RAD50: variants seen among roughly 807,000 people sequenced by gnomAD.
The protein encoded by RAD50 is RAD50 double strand break repair protein, also known as DNA repair protein RAD50.
Under a neutral mutation model 168.8 loss-of-function variants are expected in RAD50, and 132 were observed. The ratio of observed to expected loss-of-function variants is 0.78; its 90% CI spans 0.68 to 0.90. The LOEUF (loss-of-function observed/expected upper bound fraction) is 0.90. Among genes scored for constraint, RAD50 ranks in the 40% least tolerant of loss-of-function variants. The pLI, the probability that RAD50 is intolerant of heterozygous loss-of-function variation, is 0.00. For missense variants in RAD50, 1,347 were observed against 1,534.4 expected (o/e 0.88, Z 2.04); for synonymous variants, 525 against 497.4 (o/e 1.06, Z -0.74).
chr5:132,605,130 C>A, intron 16 of RAD50, 131 bp downstream of exon 16: 1 of 592,264 alleles, frequency 1.7e-6, no homozygotes, highest in Non-Finnish European at 2.7e-6. Flanking sequence ...CTGCAACCTC[C>A]ATCTCCTGGG....
intron 21 of RAD50, among the ~76,000 whole-genome samples, chr5:132,619,877 T>TAG (rs1179351469): frequency 2.6e-5 from 3 of 116,896 alleles, no homozygotes; most frequent in Non-Finnish European, 5.5e-5. Context: ...TAAAGATATA[T>TAG]ATATATATAG....
chr5:132,640,916 G>A (rs776476836), intron 24 of RAD50, 111 bp downstream of exon 24: 6 of 1,559,070 alleles, frequency 3.8e-6, no homozygotes, highest in African/African-American at 1.4e-5. Flanking sequence ...TTCTCTAGCT[G>A]TGTTCCCCAC....
Position 132,604,916 on chromosome 5 carries a change from A to G in RAD50, c.2635A>G (p.Thr879Ala), listed in dbSNP as rs1750956884. ...ELKSEKLQISTNLQRRQQLEE... is the reference protein window; with the variant it reads ...ELKSEKLQISANLQRRQQLEE... ...AAAATCTGAGAAACTTCAGATATCC[A>G]CTAATTTGCAACGTCGTCAGCAACT... The change falls in exon 16 of 25, where the codon ACT (threonine) becomes GCT (alanine). Residue 879 changes from threonine to alanine, a missense_variant. Around this residue, in one of 3 missense-constraint regions of RAD50, gnomAD observed 635 missense variants for 739.2 expected, o/e 0.86. Coordinates refer to ENST00000378823, the MANE Select transcript of RAD50 (RefSeq NM_005732.4). 6.2e-7 allele frequency: 1 copy of G among 1,613,894 alleles called. No homozygotes were observed. The highest frequency in any genetic ancestry group is 1.1e-5 in the South Asian group (1 of 91,058).
At position 132,638,283 on chromosome 5, in the gene RAD50, ACAT is replaced by A; in HGVS notation, c.3618+63_3618+65del. ...CCAAGTAACTGAAAGAGAGAAACAA[ACAT>A]CAGTGCAGTGGAAGCACCCAAGGCT... On this transcript the variant is annotated intron_variant, in intron 23 of 24. Coordinates refer to ENST00000378823, the MANE Select transcript of RAD50 (RefSeq NM_005732.4). 11 of 1,596,788 alleles carry A rather than the reference ACAT, an allele frequency of 6.9e-6. No homozygotes were observed. In the South Asian group the frequency reaches 1.0e-4, roughly 15 times the overall value.
At chr5:132,604,523 T>C (rs557840849) in intron 15 of RAD50, among the ~76,000 whole-genome samples, 1 of 152,156 alleles carries the variant, frequency 6.6e-6, no homozygotes, top group Non-Finnish European at 1.5e-5. Flanking sequence ...TGCCTCAGTC[T>C]CCCAAAGTGC....
intron 2 of RAD50, among the ~76,000 whole-genome samples, chr5:132,568,395 A>C (rs1178422110): frequency 6.6e-6 from 1 of 151,986 alleles, no homozygotes; most frequent in Non-Finnish European, 1.5e-5. Context: ...ATTTTTTTAA[A>C]GCTATGATAG....
At chr5:132,582,745 T>A (rs1245201726) in intron 5 of RAD50, among the ~76,000 whole-genome samples, 1 of 152,198 alleles carries the variant, frequency 6.6e-6, no homozygotes, top group Non-Finnish European at 1.5e-5. Flanking sequence ...CTGCTCTATT[T>A]TTTTTATCTC....
intron 15 of RAD50, 129 bp downstream of exon 15, chr5:132,604,175 T>C (rs1750940300): frequency 1.7e-6 from 2 of 1,161,948 alleles, no homozygotes; most frequent in Non-Finnish European, 2.5e-6. Context: ...TTTGCTCTTT[T>C]TTTCTGAAAA....
chr5:132,623,397 G>A (rs530848434), intron 21 of RAD50, among the ~76,000 whole-genome samples: 2 of 152,140 alleles, frequency 1.3e-5, no homozygotes, highest in East Asian at 1.9e-4. Context: ...CAGGAGAATC[G>A]CTTGAACTGG....
At chr5:132,636,773 G>A (rs1751589495) in intron 21 of RAD50, among the ~76,000 whole-genome samples, 1 of 152,090 alleles carries the variant, frequency 6.6e-6, no homozygotes, top group South Asian at 2.1e-4. Flanking sequence ...AGTTACCACG[G>A]CCTAAGAAAA....
Position 132,640,781 on chromosome 5 carries a change from A to T in RAD50, c.3728A>T (p.Glu1243Val), listed in dbSNP as rs1554101200. ...ACAAATCTTGACCGAGAAAACATTG[A>T]ATCTCTTGCACATGCTCTGGTTGAG... is the stretch of plus-strand genomic sequence containing the variant. ...PTTNLDRENI[E>V]SLAHALVEII... Residue 1243 changes from glutamate to valine, a missense_variant, in exon 24 of 25, where the codon GAA (glutamate) becomes GTA (valine). Coordinates refer to ENST00000378823, the MANE Select transcript of RAD50 (RefSeq NM_005732.4). 7 of 1,614,006 alleles carry T rather than the reference A, an allele frequency of 4.3e-6. No individual in the cohort carries two copies. The highest frequency in any genetic ancestry group is 5.9e-6 in the Non-Finnish European group (7 of 1,180,024).
chr5:132,619,534 G>T lies in RAD50; in HGVS notation c.3389+1240G>T, dbSNP rs182426484. 1.4e-3 allele frequency among the ~76,000 whole-genome samples: 206 copies of T among 152,086 alleles called. 1 individual carries two copies. The highest frequency in any genetic ancestry group is 8.2e-4 in the Non-Finnish European group (56 of 67,982). On this transcript the variant is annotated intron_variant, in intron 21 of 24. Coordinates refer to ENST00000378823, the MANE Select transcript of RAD50 (RefSeq NM_005732.4). ...CCCACTTCGGCCTCCCAAAGTGCTG[G>T]GGTCACAGGTGTGAGGCATTGTTCC...
chr5:132,609,469 A>T, intron 19 of RAD50, 73 bp downstream of exon 19: 1 of 1,571,876 alleles, frequency 6.4e-7, no homozygotes, highest in Non-Finnish European at 8.7e-7. Flanking sequence ...TCAATAGAAG[A>T]TCCATTGAAT....
At chr5:132,638,703 C>T (rs1751648595) in intron 23 of RAD50, among the ~76,000 whole-genome samples, 1 of 152,116 alleles carries the variant, frequency 6.6e-6, no homozygotes, top group Non-Finnish European at 1.5e-5. Flanking sequence ...AGAAAGTAGC[C>T]CCTCATAGAA....
rs1060501966 is a variant in RAD50, at chr5:132,608,731, A to T, written c.2829+6A>T. On this transcript the variant is annotated splice_donor_region_variant and intron_variant, in intron 17 of 24. Transcript: ENST00000378823. ...ACAAAATAGCACAGGATAAAGTAAG[A>T]TTTCATTTATATATTTACTTATCAA... 19 of 1,570,118 alleles carry T rather than the reference A, an allele frequency of 1.2e-5. No homozygotes were observed. The highest frequency in any genetic ancestry group is 1.6e-5 in the Non-Finnish European group (19 of 1,157,712).
chr5:132,561,849 A>G (rs867341893), intron 2 of RAD50, among the ~76,000 whole-genome samples: 1 of 150,250 alleles, frequency 6.7e-6, no homozygotes, highest in African/African-American at 2.5e-5. Flanking sequence ...ATTCTTACCT[A>G]CCCTTCTAAA....
In RAD50 at chr5:132,618,196, T is replaced by G. The variant is rs1751212134; in HGVS notation, c.3291T>G (p.Phe1097Leu). ...AGAAAGAACTTCGAGAACCACAATT[T>G]CGGGATGCTGAGGAAAAGTATAGAG... ...HFKKELREPQ[F>L]RDAEEKYREM... The change falls in exon 21 of 25, where the codon TTT (phenylalanine) becomes TTG (leucine). Residue 1097 changes from phenylalanine to leucine, a missense_variant. Physicochemically the swap from Phe to Leu is conservative, Grantham distance 22. Transcript: ENST00000378823. The G allele has an allele frequency of 6.2e-7, 1 of 1,613,950 alleles. No individual in the cohort carries two copies. The highest frequency in any genetic ancestry group is 1.7e-4 in the Middle Eastern group (1 of 6,058).
At chr5:132,634,370 G>T (rs564466009) in intron 21 of RAD50, among the ~76,000 whole-genome samples, 1 of 149,754 alleles carries the variant, frequency 6.7e-6, no homozygotes, top group African/African-American at 2.5e-5. Context: ...CTTTCCTATT[G>T]GTGTTTGCCT....
chr5:132,557,264 C>A lies in RAD50; in HGVS notation c.-61C>A, dbSNP rs1464592147. The A allele has an allele frequency of 6.3e-7, 1 of 1,590,300 alleles. No individual in the cohort carries two copies. Among genetic ancestry groups the A allele is most frequent in the African/African-American group, 1.3e-5 (1 of 74,570 alleles). On this transcript the variant is annotated 5_prime_UTR_variant, in exon 1 of 25. Transcript: ENST00000378823. ...CTCACGTCCCGTGCACGCCTTGCTT[C>A]GGCCTCAGTTAAGCCTTTGTGGGCT...
Sources: allele counts gnomAD v4.1 joint callset (sites outside exome capture counted in the v4.1 genomes callset), GRCh38; gene constraint gnomAD v4.1.1; regional missense constraint gnomAD v4.1.1; transcripts MANE v1.5; gene names NCBI Gene and HGNC (gene_info 2026-07-23, HGNC 2026-07-21).